Variants in SND1 observed in about 807,000 individuals in gnomAD.
The protein encoded by SND1 is staphylococcal nuclease and tudor domain containing 1.
A neutral mutation model predicts 121.7 loss-of-function variants in SND1; 38 were observed. The ratio of observed to expected loss-of-function variants is 0.31; its 90% CI spans 0.24 to 0.41. The LOEUF (loss-of-function observed/expected upper bound fraction) is 0.41, where lower values mean the gene tolerates loss of function less well. Among genes scored for constraint, SND1 ranks in the 10% least tolerant of loss-of-function variants. The pLI is 1.00. For missense variants in SND1, 868 were observed against 1,184.6 expected, an observed-to-expected ratio of 0.73 and a Z score of 3.92; for synonymous variants, 401 against 447.4, an observed-to-expected ratio of 0.90 and a Z score of 1.31.
rs1554422862 is a variant in SND1 at position 127,764,056 on chromosome 7, A to AGC, written c.1152+42656_1152+42657insGC. Among the ~76,000 whole-genome samples, 2 of 135,218 alleles carry AGC rather than the reference A, an allele frequency of 1.5e-5. 1 individual carries two copies. The allele number at this position is 135,218 out of a possible 152,430, so 88.7% of individuals were successfully genotyped here. A position where few individuals can be genotyped will look rare whatever the true frequency, so the allele number is the denominator to read the frequency against. ...CCTGTCGCAAAAAAAAAAAAAACAA[A>AGC]AAAACAAAAAAACAAAAAACCCAAG... On this transcript the variant is annotated intron_variant, in intron 10 of 23. Transcript: ENST00000354725.
At chr7:127,830,826 T>C (rs1232371639) in intron 11 of SND1, among the ~76,000 whole-genome samples, 5 of 152,162 alleles carry the variant, frequency 3.3e-5, no homozygotes, top group African/African-American at 1.2e-4. Flanking sequence ...AGCTCCTAGT[T>C]TGCTGTCTAG....
chr7:128,041,238 T>C (rs1456365595), intron 16 of SND1, among the ~76,000 whole-genome samples: 1 of 152,078 alleles, frequency 6.6e-6, no homozygotes, highest in Admixed American at 6.6e-5. Flanking sequence ...AGTTTGAGAT[T>C]AGCCTGGGCA....
At chr7:127,773,358 A>G (rs1797551445) in intron 10 of SND1, among the ~76,000 whole-genome samples, 1 of 152,106 alleles carries the variant, frequency 6.6e-6, no homozygotes, top group Non-Finnish European at 1.5e-5. Context: ...AGGCTGAGGT[A>G]GAGGAATCGC....
At chr7:127,998,088 A>G in intron 16 of SND1, 1 of 438,008 alleles carries the variant, frequency 2.3e-6, no homozygotes, top group South Asian at 1.8e-5. Flanking sequence ...CCTAGTATAT[A>G]AGAGATACTC....
intron 11 of SND1, among the ~76,000 whole-genome samples, chr7:127,835,130 G>C (rs1798841731): frequency 6.6e-6 from 1 of 152,052 alleles, no homozygotes; most frequent in Non-Finnish European, 1.5e-5. Context: ...GTAACCTTTT[G>C]TTTTCATCCA....
At chr7:127,714,807 G>T (rs1356869136) in intron 9 of SND1, among the ~76,000 whole-genome samples, 2 of 152,176 alleles carry the variant, frequency 1.3e-5, no homozygotes, top group Non-Finnish European at 2.9e-5. Flanking sequence ...CATCCATGTT[G>T]TTGGATGAGT....
intron 1 of SND1, among the ~76,000 whole-genome samples, chr7:127,658,529 T>C (rs1795251773): frequency 6.6e-6 from 1 of 152,210 alleles, no homozygotes; most frequent in South Asian, 2.1e-4. Flanking sequence ...CTTGCCATTG[T>C]TGATATTTCT....
At chr7:127,767,723 G>C (rs1797446567) in intron 10 of SND1, among the ~76,000 whole-genome samples, 1 of 152,158 alleles carries the variant, frequency 6.6e-6, no homozygotes, top group African/African-American at 2.4e-5. Flanking sequence ...TGTCATATAA[G>C]GTTGTAAATG....
intron 14 of SND1, among the ~76,000 whole-genome samples, chr7:127,926,060 T>C (rs1282880844): frequency 6.6e-6 from 1 of 152,178 alleles, no homozygotes; most frequent in African/African-American, 2.4e-5. Flanking sequence ...TATATTGTTA[T>C]AATCAGAATT....
intron 8 of SND1, among the ~76,000 whole-genome samples, chr7:127,705,361 A>G (rs1333978962): frequency 6.6e-6 from 1 of 152,226 alleles, no homozygotes; most frequent in African/African-American, 2.4e-5. Flanking sequence ...TGTAGGTTTT[A>G]AACCAGGACC....
chr7:127,854,152 TCTCA>T (rs1424383628), intron 12 of SND1, among the ~76,000 whole-genome samples: 23 of 152,206 alleles, frequency 1.5e-4, no homozygotes, highest in Admixed American at 9.8e-4. Context: ...TGAGACACAG[TCTCA>T]CTCTGTTGCC....
intron 1 of SND1, among the ~76,000 whole-genome samples, chr7:127,683,490 T>G (rs1388856415): frequency 6.6e-6 from 1 of 152,218 alleles, no homozygotes; most frequent in Non-Finnish European, 1.5e-5. Flanking sequence ...GTGCTGAGAT[T>G]ACAAGCTTGA....
At chr7:127,869,857 C>T (rs1176953477) in intron 12 of SND1, among the ~76,000 whole-genome samples, 1 of 152,170 alleles carries the variant, frequency 6.6e-6, no homozygotes, top group South Asian at 2.1e-4. Context: ...TTTCCATCTC[C>T]ATAGTTTTGT....
intron 1 of SND1, among the ~76,000 whole-genome samples, chr7:127,681,741 A>G (rs1795731591): frequency 6.6e-6 from 1 of 151,416 alleles, no homozygotes; most frequent in Non-Finnish European, 1.5e-5. Context: ...TGAAAGGACT[A>G]CTCTTTCCCC....
rs142399830 is a variant in SND1, at chr7:127,770,407, A to G, written c.1153-37077A>G. ...GAATTACATAGCTTGATATTGCTGTAACTGGTACTAAGGATAAATAGCAAT... is the reference window on the plus strand; with the variant it reads ...GAATTACATAGCTTGATATTGCTGTGACTGGTACTAAGGATAAATAGCAAT... On this transcript the variant is annotated intron_variant, in intron 10 of 23. Coordinates refer to ENST00000354725, the MANE Select transcript of SND1 (RefSeq NM_014390.4). Among the ~76,000 whole-genome samples the G allele has an allele frequency of 5.6e-4, 85 of 152,370 alleles. 1 individual carries two copies. In the East Asian group the frequency reaches 0.015, roughly 27 times the overall value.
chr7:127,931,907 T>C (rs995328037), intron 15 of SND1, among the ~76,000 whole-genome samples: 1 of 152,114 alleles, frequency 6.6e-6, no homozygotes, highest in Admixed American at 6.6e-5. Context: ...AAAAAAAAGA[T>C]TTTTTTGCAA....
chr7:127,845,248 A>C (rs903989515), intron 12 of SND1, among the ~76,000 whole-genome samples: 3 of 152,258 alleles, frequency 2.0e-5, no homozygotes, highest in Non-Finnish European at 4.4e-5. Context: ...CTCTGAAAGG[A>C]ATAAGCATTT....
chr7:128,005,962 T>G (rs1161434466), intron 16 of SND1, among the ~76,000 whole-genome samples: 1 of 152,022 alleles, frequency 6.6e-6, no homozygotes, highest in Non-Finnish European at 1.5e-5. Flanking sequence ...GTAAAATGAG[T>G]GTGCTGAGTG....
chr7:127,901,172 G>T (rs1003528696), intron 13 of SND1, among the ~76,000 whole-genome samples: 2 of 152,190 alleles, frequency 1.3e-5, no homozygotes, highest in African/African-American at 4.8e-5. Flanking sequence ...GAGAAACTGG[G>T]TTATGTGAGA....
Sources: allele counts gnomAD v4.1 joint callset (sites outside exome capture counted in the v4.1 genomes callset), GRCh38; gene constraint gnomAD v4.1.1; transcripts MANE v1.5; gene names NCBI Gene and HGNC (gene_info 2026-07-23, HGNC 2026-07-21).